Variants in PCDHGB3 observed in about 807,000 individuals in gnomAD.
PCDHGB3 encodes the protein protocadherin gamma-B3.
A neutral mutation model predicts 59.2 loss-of-function variants in PCDHGB3; 40 were observed. The ratio of observed to expected loss-of-function variants is 0.68; its 90% confidence interval spans 0.52 to 0.88. PCDHGB3 has a LOEUF of 0.88. Ranked by LOEUF, PCDHGB3 falls within the 40% of genes least tolerant of loss-of-function variation. PCDHGB3 has a pLI of 0.00. For synonymous variants in PCDHGB3, 581 were observed against 503.6 expected (o/e 1.15, Z -2.06); for missense variants, 1,309 against 1,187.9 (o/e 1.10, Z -1.50).
Position 141,374,676 on chromosome 5 carries a change from G to A in PCDHGB3, c.2415+1867G>A, listed in dbSNP as rs372705367. 2.7e-5 allele frequency: 43 copies of A among 1,610,386 alleles called. No homozygotes were observed. In the African/African-American group the frequency reaches 5.5e-4, roughly 21 times the overall value. On this transcript the variant is annotated intron_variant, in intron 1 of 3. Transcript: ENST00000576222. The stretch of plus-strand genomic sequence containing the variant: ...AAGTACCCGGAGCTGGTGCTGGAGG[G>A]CACACTGGACCGGGAAGGAGAAGCC...
chr5:141,383,347 G>A, intron 1 of PCDHGB3: 1 of 1,614,012 alleles, frequency 6.2e-7, no homozygotes, highest in Non-Finnish European at 8.5e-7. Context: ...AGCTCCTGGG[G>A]TTCGGTTTCC....
Position 141,432,148 on chromosome 5 carries a change from G to C in PCDHGB3, c.2415+59339G>C. ...CCTCCTATTCCGCTTATATCCCAGA[G>C]AACAATCCCAGAGGAGTTTCCCTCG... On this transcript the variant is annotated intron_variant, in intron 1 of 3. Coordinates refer to ENST00000576222, the MANE Select transcript of PCDHGB3 (RefSeq NM_018924.5). The surrounding 1 kb of genome is among the most constrained non-coding windows in gnomAD (Gnocchi z 6.0). 6.2e-7 allele frequency: 1 copy of C among 1,614,002 alleles called. No individual in the cohort carries two copies. Among genetic ancestry groups the C allele is most frequent in the East Asian group, 2.2e-5 (1 of 44,876 alleles).
intron 1 of PCDHGB3, chr5:141,397,905 G>C: frequency 1.5e-6 from 1 of 659,508 alleles, no homozygotes; most frequent in East Asian, 2.8e-5. Flanking sequence ...GCAGAGCTTG[G>C]CGCTCCAGAT....
chr5:141,419,759 G>A (rs1179602962), intron 1 of PCDHGB3: 2 of 1,614,004 alleles, frequency 1.2e-6, no homozygotes, highest in Admixed American at 3.3e-5. Context: ...TGCTTTGGGT[G>A]ACAAGGACTC....
chr5:141,491,709 C>T lies in PCDHGB3; in HGVS notation c.2416-3098C>T, dbSNP rs2099725685. On this transcript the variant is annotated intron_variant, in intron 1 of 3. Coordinates refer to ENST00000576222, the MANE Select transcript of PCDHGB3 (RefSeq NM_018924.5). The surrounding 1 kb of genome is among the most constrained non-coding windows in gnomAD (Gnocchi z 6.9). The stretch of plus-strand genomic sequence containing the variant: ...TGCGGGAGCGGAGCCAGGTGAGGGG[C>T]TCGGCGCCGCCCCGGGCGACCCCTG... 6.2e-7 allele frequency: 1 copy of T among 1,610,156 alleles called. No homozygotes were observed. Among genetic ancestry groups the T allele is most frequent in the Non-Finnish European group, 8.5e-7 (1 of 1,178,376 alleles).
At chr5:141,408,702 T>C (rs769871063) in intron 1 of PCDHGB3, 6 of 1,613,208 alleles carry the variant, frequency 3.7e-6, no homozygotes, top group South Asian at 3.3e-5. Flanking sequence ...ATAAACTCAA[T>C]TAAAGATTAT....
intron 1 of PCDHGB3, chr5:141,415,367 CT>C (rs2095859649): frequency 6.2e-7 from 1 of 1,614,118 alleles, no homozygotes; most frequent in African/African-American, 1.3e-5. Flanking sequence ...CTGCTGCAGG[CT>C]TCAGGAGGCG....
chr5:141,400,699 A>G (rs1040547233), intron 1 of PCDHGB3: 1 of 733,556 alleles, frequency 1.4e-6, no homozygotes, highest in Non-Finnish European at 2.2e-6. Flanking sequence ...TATGTCGCAT[A>G]AAAGAAGTAG....
intron 1 of PCDHGB3, chr5:141,408,051 C>G (rs894200228): frequency 3.2e-5 from 41 of 1,264,370 alleles, no homozygotes; most frequent in African/African-American, 1.1e-4. Flanking sequence ...CCACACAGAG[C>G]CTCCCGGCTG....
chr5:141,505,591 G>C (rs2099846959), intron 3 of PCDHGB3, 110 bp downstream of exon 3: 2 of 1,570,280 alleles, frequency 1.3e-6, no homozygotes, highest in African/African-American at 2.7e-5. Flanking sequence ...AGTTTCTCCA[G>C]ATCTTTCGGC....
At chr5:141,385,495 T>C (rs1781231622) in intron 1 of PCDHGB3, 3 of 1,391,864 alleles carry the variant, frequency 2.2e-6, no homozygotes, top group African/African-American at 2.9e-5. Flanking sequence ...ACATAGGATA[T>C]AGTATTTCTT....
In PCDHGB3 at chr5:141,493,668, GC is replaced by G. The variant is rs1178535601; in HGVS notation, c.2416-1135del. On this transcript the variant is annotated intron_variant, in intron 1 of 3. Coordinates refer to ENST00000576222, the MANE Select transcript of PCDHGB3 (RefSeq NM_018924.5). This position sits in a 1 kb window ranked among gnomAD's most constrained non-coding sequence, Gnocchi z 4.3. ...CATCCCTGTGCCCTTCTCCATGGCAGCCCCAGAATGGTGCTGGTGACTCCCG... is the reference window on the plus strand; with the variant it reads ...CATCCCTGTGCCCTTCTCCATGGCAGCCCAGAATGGTGCTGGTGACTCCCG... Among the ~76,000 whole-genome samples the G allele has an allele frequency of 6.6e-6, 1 of 152,140 alleles. No individual in the cohort carries two copies. The highest frequency in any genetic ancestry group is 2.4e-5 in the African/African-American group (1 of 41,422).
In PCDHGB3 at chr5:141,420,606, G is replaced by A. The variant is rs141099124; in HGVS notation, c.2415+47797G>A. On this transcript the variant is annotated intron_variant, in intron 1 of 3. Coordinates refer to ENST00000576222, the MANE Select transcript of PCDHGB3 (RefSeq NM_018924.5). Reference sequence around the variant, plus strand: ...CCTGATGCTACTCAATTTTTCTCAAGTATTTCATCTTCATTTACTCAATAA... The same window carrying A: ...CCTGATGCTACTCAATTTTTCTCAAATATTTCATCTTCATTTACTCAATAA... Among the ~76,000 whole-genome samples the A allele has an allele frequency of 2.7e-3, 411 of 152,256 alleles. 1 individual carries two copies. Among genetic ancestry groups the A allele is most frequent in the African/African-American group, 9.4e-3 (392 of 41,546 alleles).
chr5:141,415,959 C>T, intron 1 of PCDHGB3: 3 of 443,810 alleles, frequency 6.8e-6, no homozygotes, highest in Non-Finnish European at 1.1e-5. Context: ...CATATTGAAA[C>T]TCCAGCCCCT....
chr5:141,450,985 C>T (rs533993975), intron 1 of PCDHGB3, among the ~76,000 whole-genome samples: 22 of 151,876 alleles, frequency 1.4e-4, no homozygotes, highest in African/African-American at 3.9e-4. Flanking sequence ...CCACCACACC[C>T]GGCTAATTTT....
intron 1 of PCDHGB3, among the ~76,000 whole-genome samples, chr5:141,424,889 G>A (rs1173725674): frequency 6.6e-6 from 1 of 152,090 alleles, no homozygotes; most frequent in Non-Finnish European, 1.5e-5. Flanking sequence ...ACTTATCTAG[G>A]GTTTTTGATC....
At position 141,485,971 on chromosome 5, in the gene PCDHGB3, C is replaced by T; in HGVS notation, c.2416-8836C>T. On this transcript the variant is annotated intron_variant, in intron 1 of 3. Transcript: ENST00000576222. This position sits in a 1 kb window ranked among gnomAD's most constrained non-coding sequence, Gnocchi z 5.7. Reference sequence around the variant, plus strand: ...GCATGGTGCTCATCCAGCTCAATGCCTCAGACCCGGACCTGGGTCCCAGTG... The same window carrying T: ...GCATGGTGCTCATCCAGCTCAATGCTTCAGACCCGGACCTGGGTCCCAGTG... The T allele has an allele frequency of 6.2e-7, 1 of 1,614,196 alleles. No individual in the cohort carries two copies. The highest frequency in any genetic ancestry group is 8.5e-7 in the Non-Finnish European group (1 of 1,180,042).
rs761528900 is a variant in PCDHGB3 at position 141,376,319 on chromosome 5, G to A, written c.2415+3510G>A. The A allele has an allele frequency of 2.5e-6, 4 of 1,614,220 alleles. No homozygotes were observed. In the East Asian group the frequency reaches 6.7e-5, roughly 27 times the overall value. On this transcript the variant is annotated intron_variant, in intron 1 of 3. Coordinates refer to ENST00000576222, the MANE Select transcript of PCDHGB3 (RefSeq NM_018924.5). ...CTCGCACTTTGTGGGCGTGGAAGGGGTTCGGGCTTTCCTGCAGACCTATTC... is the reference window on the plus strand; with the variant it reads ...CTCGCACTTTGTGGGCGTGGAAGGGATTCGGGCTTTCCTGCAGACCTATTC...
chr5:141,463,747 G>A (rs994400482), intron 1 of PCDHGB3, among the ~76,000 whole-genome samples: 13 of 152,082 alleles, frequency 8.5e-5, no homozygotes, highest in Middle Eastern at 3.4e-3. Context: ...CGCCCGGCCT[G>A]CTTCTCTTCT....
Sources: allele counts gnomAD v4.1 joint callset (sites outside exome capture counted in the v4.1 genomes callset), GRCh38; gene constraint gnomAD v4.1.1; non-coding constraint Gnocchi (gnomAD v3.1); transcripts MANE v1.5; gene names NCBI Gene and HGNC (gene_info 2026-07-23, HGNC 2026-07-21).